RABGAP1L: variants seen among roughly 807,000 people sequenced by gnomAD.
The protein encoded by RABGAP1L is rab GTPase-activating protein 1-like.
A neutral mutation model predicts 137.7 loss-of-function variants in RABGAP1L; 63 were observed. The observed-to-expected ratio is 0.46, with a 90% CI of 0.37 to 0.56. The LOEUF is 0.56. Ranked by LOEUF, RABGAP1L falls within the 20% of genes least tolerant of loss-of-function variation. The probability of loss-of-function intolerance (pLI) is 0.00; values close to 1 mark genes in which losing one functional copy is unlikely to be tolerated. For synonymous variants in RABGAP1L, 431 were observed against 433.7 expected (o/e 0.99, Z 0.08); for missense variants, 1,095 against 1,244.0 (o/e 0.88, Z 1.80).
chr1:174,470,896 G>T (rs1419873455), intron 13 of RABGAP1L, among the ~76,000 whole-genome samples: 1 of 152,116 alleles, frequency 6.6e-6, no homozygotes, highest in Admixed American at 6.5e-5. Context: ...AAATTAACTA[G>T]CCTCAGAAGT....
chr1:174,285,310 C>A (rs925124353), intron 10 of RABGAP1L, among the ~76,000 whole-genome samples: 6 of 152,166 alleles, frequency 3.9e-5, no homozygotes, highest in Non-Finnish European at 7.3e-5. Context: ...AGCCACCATG[C>A]CCAGCCAATG....
intron 11 of RABGAP1L, among the ~76,000 whole-genome samples, chr1:174,352,087 C>T (rs542005623): frequency 2.0e-5 from 3 of 152,264 alleles, no homozygotes; most frequent in Admixed American, 6.5e-5. Context: ...GGATTACAGG[C>T]GTGAGCCACC....
rs185105106 is a variant in RABGAP1L at position 174,281,541 on chromosome 1, C to G, written c.1323+2762C>G. ...CCCGACCCAGAAGCCCAGCCGGATT[C>G]GCCTCTCACCTTGACCTGAGTCTAA... On this transcript the variant is annotated intron_variant, in intron 10 of 25. Coordinates refer to ENST00000681986, the MANE Select transcript of RABGAP1L (RefSeq NM_001366446.1). Among the ~76,000 whole-genome samples, 145 of 152,312 alleles carry G rather than the reference C, an allele frequency of 9.5e-4. 1 individual carries two copies. Among genetic ancestry groups the G allele is most frequent in the African/African-American group, 3.3e-3 (136 of 41,566 alleles).
At chr1:174,885,891 T>C (rs987736302) in intron 19 of RABGAP1L, among the ~76,000 whole-genome samples, 3 of 150,112 alleles carry the variant, frequency 2.0e-5, no homozygotes, top group Admixed American at 6.6e-5. Flanking sequence ...GGCGTGAACC[T>C]GGGAGGCGGA....
At chr1:174,403,882 T>C (rs1026921696) in intron 13 of RABGAP1L, among the ~76,000 whole-genome samples, 5 of 152,062 alleles carry the variant, frequency 3.3e-5, no homozygotes, top group African/African-American at 4.8e-5. Context: ...ATATGAATTA[T>C]TTTAGTGATT....
chr1:174,983,322 A>G (rs1671293851), intron 24 of RABGAP1L, among the ~76,000 whole-genome samples: 2 of 152,280 alleles, frequency 1.3e-5, no homozygotes, highest in Non-Finnish European at 2.9e-5. Context: ...ACTTAGCTGG[A>G]AAAACATGTG....
Position 174,990,144 on chromosome 1 carries a change from T to A in RABGAP1L, c.*143T>A. 9.2e-7 allele frequency: 1 copy of A among 1,087,522 alleles called. No homozygotes were observed. Among genetic ancestry groups the A allele is most frequent in the Non-Finnish European group, 1.3e-6 (1 of 776,966 alleles). The allele number at this position is 1,087,522 out of a possible 1,614,324, so 67.4% of individuals were successfully genotyped here. On this transcript the variant is annotated 3_prime_UTR_variant, in exon 26 of 26. Transcript: ENST00000681986. ...TCAGTAGCTCTCACTCTTTCTTGTA[T>A]GACACTTTTCAAAGGGATGCTATTT...
intron 13 of RABGAP1L, among the ~76,000 whole-genome samples, chr1:174,460,906 G>C (rs969776172): frequency 3.3e-5 from 5 of 152,048 alleles, no homozygotes; most frequent in Admixed American, 2.6e-4. Context: ...GGATGGATCT[G>C]CTGAGCCTCA....
chr1:174,504,465 C>T (rs1299930734), intron 13 of RABGAP1L, among the ~76,000 whole-genome samples: 1 of 150,696 alleles, frequency 6.6e-6, no homozygotes, highest in Non-Finnish European at 1.5e-5. Flanking sequence ...ATAACACAAC[C>T]TGACTTCAAA....
intron 13 of RABGAP1L, among the ~76,000 whole-genome samples, chr1:174,620,469 G>T (rs1440541652): frequency 1.3e-5 from 2 of 152,152 alleles, no homozygotes; most frequent in Non-Finnish European, 2.9e-5. Flanking sequence ...TAGAACTCAG[G>T]ATTAAGACAC....
At chr1:174,485,035 A>G (rs1659489743) in intron 13 of RABGAP1L, among the ~76,000 whole-genome samples, 1 of 152,080 alleles carries the variant, frequency 6.6e-6, no homozygotes, top group Admixed American at 6.6e-5. Context: ...ATTTCTTTCA[A>G]AAGTGTTTCA....
At chr1:174,217,458 C>T (rs1669426594) in intron 1 of RABGAP1L, among the ~76,000 whole-genome samples, 1 of 152,126 alleles carries the variant, frequency 6.6e-6, no homozygotes, top group Non-Finnish European at 1.5e-5. Flanking sequence ...GATCTGAACT[C>T]AGGGAATTTC....
At chr1:174,274,547 G>T (rs1234387768) in intron 8 of RABGAP1L, among the ~76,000 whole-genome samples, 1 of 151,468 alleles carries the variant, frequency 6.6e-6, no homozygotes, top group East Asian at 1.9e-4. Context: ...TTTGCATAAA[G>T]AAATCACTTA....
At chr1:174,752,166 C>G in intron 17 of RABGAP1L, 147 bp from the exon 18 acceptor site, 1 of 620,750 alleles carries the variant, frequency 1.6e-6, no homozygotes. Flanking sequence ...AAGAAAATAC[C>G]TTTAAAAAAA....
intron 1 of RABGAP1L, among the ~76,000 whole-genome samples, chr1:174,176,731 A>AAAAAAAAAAT (rs1665902249): frequency 1.1e-5 from 1 of 92,762 alleles, no homozygotes; most frequent in Non-Finnish European, 2.5e-5. Flanking sequence ...AAAAAAAAAA[A>AAAAAAAAAAT]AAAAAAAAAA....
At chr1:174,688,658 A>G (rs1400755886) in intron 15 of RABGAP1L, among the ~76,000 whole-genome samples, 1 of 152,092 alleles carries the variant, frequency 6.6e-6, no homozygotes, top group Non-Finnish European at 1.5e-5. Context: ...AAGCAACTCA[A>G]ATGTCCACTA....
chr1:174,675,229 A>G (rs919632242), intron 14 of RABGAP1L, among the ~76,000 whole-genome samples: 39 of 152,170 alleles, frequency 2.6e-4, no homozygotes, highest in Non-Finnish European at 4.3e-4. Flanking sequence ...TAGGTCTAAC[A>G]TTTAAGTCTT....
At chr1:174,604,876 G>A (rs999852029) in intron 13 of RABGAP1L, among the ~76,000 whole-genome samples, 1 of 152,160 alleles carries the variant, frequency 6.6e-6, no homozygotes, top group Non-Finnish European at 1.5e-5. Context: ...GGGTACAGTG[G>A]CTCACAACTG....
intron 19 of RABGAP1L, among the ~76,000 whole-genome samples, chr1:174,857,126 C>G (rs1483023942): frequency 6.6e-6 from 1 of 152,158 alleles, no homozygotes; most frequent in Non-Finnish European, 1.5e-5. Context: ...GTTCTGTCTG[C>G]CCACTGTCGT....
Sources: allele counts gnomAD v4.1 joint callset (sites outside exome capture counted in the v4.1 genomes callset), GRCh38; gene constraint gnomAD v4.1.1; transcripts MANE v1.5; gene names NCBI Gene and HGNC (gene_info 2026-07-23, HGNC 2026-07-21).